The following TBCCD1 variants were observed in gnomAD, a reference collection of about 807,000 sequenced individuals.
TBCCD1 encodes TBCC domain-containing protein 1.
Under a neutral mutation model 53.4 loss-of-function variants are expected in TBCCD1, and 26 were observed. The ratio of observed to expected loss-of-function variants is 0.49; its 90% confidence interval spans 0.36 to 0.68. The LOEUF (loss-of-function observed/expected upper bound fraction) is 0.68, where lower values mean the gene tolerates loss of function less well. TBCCD1 is among the 30% of genes least tolerant of loss of function. TBCCD1 has a pLI of 0.00. For synonymous variants in TBCCD1, 245 were observed against 241.7 expected, an observed-to-expected ratio of 1.01 and a Z score of -0.13; for missense variants, 558 against 669.5, an observed-to-expected ratio of 0.83 and a Z score of 1.84.
Position 186,564,032 on chromosome 3 carries a change from A to G in TBCCD1, c.298T>C (p.Cys100Arg), listed in dbSNP as rs980361534. The change falls in exon 2 of 8, where the codon TGC (cysteine) becomes CGC (arginine). Residue 100 changes from cysteine (C) to arginine (R), a missense_variant. By Grantham distance (180) the Cys-to-Arg change is radical. Coordinates refer to ENST00000338733, the MANE Select transcript of TBCCD1 (RefSeq NM_018138.5). Reference sequence around the variant, plus strand: ...TTTTCAACTTCCTCCTCAGACATGCAGTTGGACAGAACCTCAGACCATTCC... The same window carrying G: ...TTTTCAACTTCCTCCTCAGACATGCGGTTGGACAGAACCTCAGACCATTCC... ...RLEWSEVLSNCMSEEEVEKQR... is the reference protein window; with the variant it reads ...RLEWSEVLSNRMSEEEVEKQR... The G allele has an allele frequency of 6.2e-6, 10 of 1,613,732 alleles. No individual in the cohort carries two copies. The highest frequency in any genetic ancestry group is 8.5e-6 in the Non-Finnish European group (10 of 1,179,842).
chr3:186,548,331 G>A (rs1228814468), intron 7 of TBCCD1, among the ~76,000 whole-genome samples: 1 of 152,208 alleles, frequency 6.6e-6, no homozygotes, highest in African/African-American at 2.4e-5. Context: ...GTAGATTAGT[G>A]GTGCCAAGGA....
At chr3:186,555,503 C>T (rs906896982) in intron 4 of TBCCD1, among the ~76,000 whole-genome samples, 3 of 152,148 alleles carry the variant, frequency 2.0e-5, no homozygotes, top group African/African-American at 7.2e-5. Context: ...AATATTAATT[C>T]TGTACCCTTC....
intron 6 of TBCCD1, among the ~76,000 whole-genome samples, chr3:186,553,851 CT>C (rs796920451): frequency 1.3e-3 from 194 of 146,516 alleles, no homozygotes; most frequent in Non-Finnish European, 1.2e-3. Context: ...AAACACATTA[CT>C]TTTTTTTTTT....
chr3:186,567,269 G>C lies in TBCCD1; in HGVS notation c.-46C>G, dbSNP rs1002954314. 7 of 152,508 alleles carry C rather than the reference G, an allele frequency of 4.6e-5. No individual in the cohort carries two copies. The highest frequency in any genetic ancestry group is 8.8e-5 in the Non-Finnish European group (6 of 68,314). The allele number at this position is 152,508 out of a possible 1,614,324, so 9.4% of individuals were successfully genotyped here. A position where few individuals can be genotyped will look rare whatever the true frequency, so the allele number is the denominator to read the frequency against. On this transcript the variant is annotated splice_region_variant and 5_prime_UTR_variant, in exon 1 of 8. Transcript: ENST00000338733. ...CGGCGCACCCAGTGCGCGGTTACCT[G>C]CTAATGCAGGCGCCGCTCCGCCGCA...
At chr3:186,548,108 T>C (rs1444129964) in intron 7 of TBCCD1, among the ~76,000 whole-genome samples, 3 of 152,118 alleles carry the variant, frequency 2.0e-5, no homozygotes, top group East Asian at 3.8e-4. Context: ...AGCTGAAAAG[T>C]AGACACAAGC....
At position 186,562,021 on chromosome 3, in the gene TBCCD1, T is replaced by C. The variant is rs199907127; in HGVS notation, c.336+1973A>G. ...ATAAAGAAAACTTGGCATGCATATA[T>C]AATGGAGTACCATTTGGCCTTAAAA... is the stretch of plus-strand genomic sequence containing the variant. On this transcript the variant is annotated intron_variant, in intron 2 of 7. Coordinates refer to ENST00000338733, the MANE Select transcript of TBCCD1 (RefSeq NM_018138.5). 3.9e-5 allele frequency among the ~76,000 whole-genome samples: 6 copies of C among 152,264 alleles called. No individual in the cohort carries two copies. The East Asian group carries it at 7.7e-4, about 20-fold the overall frequency.
At chr3:186,555,712 C>T (rs1714521432) in intron 4 of TBCCD1, among the ~76,000 whole-genome samples, 1 of 152,162 alleles carries the variant, frequency 6.6e-6, no homozygotes, top group Non-Finnish European at 1.5e-5. Context: ...GTGCATGCCA[C>T]CACGCCTGGC....
At chr3:186,560,784 CAA>C (rs1037640388) in intron 2 of TBCCD1, among the ~76,000 whole-genome samples, 1 of 152,110 alleles carries the variant, frequency 6.6e-6, no homozygotes, top group Admixed American at 6.5e-5. Context: ...CAAATCTGAG[CAA>C]AAGTTTTAAG....
chr3:186,551,634 T>C (rs1714384666), intron 6 of TBCCD1, among the ~76,000 whole-genome samples: 1 of 152,164 alleles, frequency 6.6e-6, no homozygotes, highest in Admixed American at 6.5e-5. Context: ...ATCTGTGTAA[T>C]CCATGCTCCT....
In TBCCD1 at chr3:186,554,194, ATTTG is replaced by A; in HGVS notation, c.1544+56_1544+59del. The stretch of plus-strand genomic sequence containing the variant: ...CACAGCTGTAAAAATGTGCAGACTA[ATTTG>A]TTTCTCCATGGAGTTTCACAAAAAA... On this transcript the variant is annotated intron_variant, in intron 6 of 7. Coordinates refer to ENST00000338733, the MANE Select transcript of TBCCD1 (RefSeq NM_018138.5). 7 of 1,592,472 alleles carry A rather than the reference ATTTG, an allele frequency of 4.4e-6. 1 individual carries two copies. In the South Asian group the frequency reaches 8.0e-5, roughly 18 times the overall value.
intron 6 of TBCCD1, among the ~76,000 whole-genome samples, chr3:186,553,910 C>T (rs1714447718): frequency 6.6e-6 from 1 of 152,014 alleles, no homozygotes; most frequent in Non-Finnish European, 1.5e-5. Context: ...TGCAATGGCA[C>T]GATCTTGGCT....
chr3:186,555,120 T>C, intron 4 of TBCCD1, 36 bp from the exon 5 acceptor site: 1 of 1,551,886 alleles, frequency 6.4e-7, no homozygotes, highest in Non-Finnish European at 8.7e-7. Flanking sequence ...TGAGGCAGTA[T>C]CAAATCAAAG....
upstream of TBCCD1, among the ~76,000 whole-genome samples, chr3:186,567,824 A>G (rs1318146562): frequency 6.6e-6 from 1 of 152,204 alleles, no homozygotes; most frequent in Admixed American, 6.5e-5. Flanking sequence ...CCAAGATTCA[A>G]GCCCAGGGCG....
At chr3:186,552,870 G>T (rs1270893580) in intron 6 of TBCCD1, among the ~76,000 whole-genome samples, 1 of 152,162 alleles carries the variant, frequency 6.6e-6, no homozygotes, top group Admixed American at 6.5e-5. Flanking sequence ...AGAGGGCAGT[G>T]ATTAAGTAAT....
At chr3:186,556,922 C>T in intron 3 of TBCCD1, 147 bp from the exon 4 acceptor site, 1 of 988,226 alleles carries the variant, frequency 1.0e-6, no homozygotes, top group South Asian at 2.0e-5. Context: ...GGTGATCCGC[C>T]CGGCTTGGCC....
At chr3:186,568,306 A>T (rs1400751952), upstream of TBCCD1, among the ~76,000 whole-genome samples, 1 of 152,194 alleles carries the variant, frequency 6.6e-6, no homozygotes, top group African/African-American at 2.4e-5. Flanking sequence ...GGGAGAATAG[A>T]CAATACATAT....
intron 2 of TBCCD1, among the ~76,000 whole-genome samples, chr3:186,562,362 G>A (rs1033078357): frequency 6.6e-6 from 1 of 152,112 alleles, no homozygotes; most frequent in Non-Finnish European, 1.5e-5. Context: ...CAGAAAGAGA[G>A]AGAAATCCTG....
rs1490991631 is a variant in TBCCD1 at position 186,554,331 on chromosome 3, T to C, written c.1467A>G (p.Val489=). The stretch of plus-strand genomic sequence containing the variant: ...CTCTTTGACCCAGTGCTTTCTGATA[T>C]ACAGATGGAAGACCCCCGGGTATCT... ...TTEIPGGLPS[V]YQKALGQREQ... The change falls in exon 6 of 8, where the codon GTA becomes GTG. Residue 489 remains valine (V), a synonymous_variant. Coordinates refer to ENST00000338733, the MANE Select transcript of TBCCD1 (RefSeq NM_018138.5). 5.0e-6 allele frequency: 8 copies of C among 1,614,122 alleles called. No homozygotes were observed. Among genetic ancestry groups the C allele is most frequent in the East Asian group, 2.2e-5 (1 of 44,894 alleles).
In TBCCD1 at chr3:186,567,264, T is replaced by G. The variant is rs1714862008; in HGVS notation, c.-44+3A>C. 1 of 152,386 alleles carries G rather than the reference T, an allele frequency of 6.6e-6. No individual in the cohort carries two copies. Among genetic ancestry groups the G allele is most frequent in the Non-Finnish European group, 1.5e-5 (1 of 68,198 alleles). 9.4% of individuals were successfully genotyped at this position (152,386 alleles called of 1,614,324 possible). Reference sequence around the variant, plus strand: ...CTCCCCGGCGCACCCAGTGCGCGGTTACCTGCTAATGCAGGCGCCGCTCCG... The same window carrying G: ...CTCCCCGGCGCACCCAGTGCGCGGTGACCTGCTAATGCAGGCGCCGCTCCG... On this transcript the variant is annotated splice_donor_region_variant and intron_variant, in intron 1 of 7. Coordinates refer to ENST00000338733, the MANE Select transcript of TBCCD1 (RefSeq NM_018138.5).
Sources: allele counts gnomAD v4.1 joint callset (sites outside exome capture counted in the v4.1 genomes callset), GRCh38; gene constraint gnomAD v4.1.1; transcripts MANE v1.5; gene names NCBI Gene and HGNC (gene_info 2026-07-23, HGNC 2026-07-21).